Variants in ACOT11 observed in about 807,000 individuals in gnomAD.
ACOT11 encodes the protein acyl-CoA thioesterase 11, also known as acyl-coenzyme A thioesterase 11.
Under a neutral mutation model 77.5 loss-of-function variants are expected in ACOT11, and 69 were observed. That is an observed-to-expected ratio of 0.89 (90% CI 0.73 to 1.09). The LOEUF (loss-of-function observed/expected upper bound fraction) is 1.09, where lower values mean the gene tolerates loss of function less well. ACOT11 is among the 50% of genes least tolerant of loss of function. The pLI, the probability that ACOT11 is intolerant of heterozygous loss-of-function variation, is 0.00. For missense variants in ACOT11, 766 were observed against 813.7 expected (o/e 0.94, Z 0.71); for synonymous variants, 279 against 313.0 (o/e 0.89, Z 1.15).
chr1:54,567,600 T>G, intron 1 of ACOT11, among the ~76,000 whole-genome samples: 1 of 152,038 alleles, frequency 6.6e-6, no homozygotes, highest in East Asian at 1.9e-4. Context: ...ATTTTTATCC[T>G]GCCTACCACC....
At chr1:54,594,101 G>A in intron 5 of ACOT11, 62 bp downstream of exon 5, 1 of 1,485,654 alleles carries the variant, frequency 6.7e-7, no homozygotes, top group Non-Finnish European at 9.3e-7. Flanking sequence ...GCCATGGCGA[G>A]TCTGGCTCAG....
chr1:54,554,400 G>A (rs1371378898), intron 1 of ACOT11, among the ~76,000 whole-genome samples: 1 of 139,890 alleles, frequency 7.1e-6, no homozygotes, highest in East Asian at 2.2e-4. Context: ...CACCCAGGCT[G>A]GAATACAGTG....
rs1323768535 is a variant in ACOT11 at position 54,607,054 on chromosome 1, G to A, written c.1371-80G>A. The A allele has an allele frequency of 1.7e-5, 27 of 1,581,120 alleles. No individual in the cohort carries two copies. Among genetic ancestry groups the A allele is most frequent in the East Asian group, 2.3e-5 (1 of 44,280 alleles). ...ACAGAAGCTGCTCAGGCACTGCAGTGTGGCAGGGCCCGGGCAGACCCGCTG... is the reference window on the plus strand; with the variant it reads ...ACAGAAGCTGCTCAGGCACTGCAGTATGGCAGGGCCCGGGCAGACCCGCTG... On this transcript the variant is annotated intron_variant, in intron 13 of 15. Coordinates refer to ENST00000343744, the MANE Select transcript of ACOT11 (RefSeq NM_147161.4). This position sits in a 1 kb window ranked among gnomAD's most constrained non-coding sequence, Gnocchi z 4.5.
At chr1:54,557,202 G>T (rs568610007) in intron 1 of ACOT11, among the ~76,000 whole-genome samples, 18 of 151,914 alleles carry the variant, frequency 1.2e-4, no homozygotes, top group Non-Finnish European at 2.4e-4. Flanking sequence ...GACCAGCCTG[G>T]TCAACATGGT....
chr1:54,551,369 G>A (rs962453959), intron 1 of ACOT11, among the ~76,000 whole-genome samples: 2 of 152,138 alleles, frequency 1.3e-5, no homozygotes, highest in Admixed American at 6.5e-5. Context: ...GTGAGTGGGC[G>A]ACTGAATGAA....
In ACOT11 at chr1:54,601,302, C is replaced by G. The variant is rs556706898; in HGVS notation, c.918C>G (p.Arg306=). 4.3e-6 allele frequency: 7 copies of G among 1,612,988 alleles called. No homozygotes were observed. The Admixed American group carries it at 1.2e-4, about 27-fold the overall frequency. ...TGGGCGTGTGCGTGGAGGCCTATCG[C>G]CAGGAGGCTGAGACCCACCGGCGCC... ...MEVGVCVEAY[R]QEAETHRRHI... The change falls in exon 9 of 16, where the codon CGC becomes CGG. Residue 306 remains arginine, a synonymous_variant. Transcript: ENST00000343744.
intron 1 of ACOT11, among the ~76,000 whole-genome samples, chr1:54,560,740 G>C (rs1469517377): frequency 1.4e-5 from 2 of 140,276 alleles, no homozygotes; most frequent in East Asian, 2.0e-4. Flanking sequence ...TTTTTTTTTT[G>C]AGACAGAGTT....
In ACOT11 at chr1:54,609,224, GAA is replaced by G; in HGVS notation, c.*113_*114del. 1 of 1,590,444 alleles carries G rather than the reference GAA, an allele frequency of 6.3e-7. No individual in the cohort carries two copies. The highest frequency in any genetic ancestry group is 8.6e-7 in the Non-Finnish European group (1 of 1,166,924). Reference sequence around the variant, plus strand: ...TTTATTTCTTCCTGCCTCCCCGTGGGAAGCCTCCGCCCTGAGGTCCGCTGGCC... The same window carrying G: ...TTTATTTCTTCCTGCCTCCCCGTGGGGCCTCCGCCCTGAGGTCCGCTGGCC... On this transcript the variant is annotated 3_prime_UTR_variant, in exon 16 of 16. Coordinates refer to ENST00000343744, the MANE Select transcript of ACOT11 (RefSeq NM_147161.4).
In ACOT11 at chr1:54,593,093, G is replaced by A. The variant is rs752199394; in HGVS notation, c.372+487G>A. Among the ~76,000 whole-genome samples, 8 of 152,254 alleles carry A rather than the reference G, an allele frequency of 5.3e-5. No homozygotes were observed. The East Asian group carries it at 1.5e-3, about 29-fold the overall frequency. ...TGGAGGACTGCTGGTGATGCCCAGG[G>A]TTCTGTGAGCTGTGGGGGAGGGCTC... On this transcript the variant is annotated intron_variant, in intron 4 of 15. Transcript: ENST00000343744.
intron 9 of ACOT11, among the ~76,000 whole-genome samples, chr1:54,601,693 C>T (rs1643966547): frequency 6.6e-6 from 1 of 152,190 alleles, no homozygotes; most frequent in Admixed American, 6.5e-5. Context: ...TGGAAGAGTA[C>T]TGGCTTTGGA....
rs1644077126 is a variant in ACOT11 at position 54,609,145 on chromosome 1, A to G, written c.*33A>G. The G allele has an allele frequency of 6.2e-7, 1 of 1,612,982 alleles. No individual in the cohort carries two copies. Among genetic ancestry groups the G allele is most frequent in the South Asian group, 1.1e-5 (1 of 90,940 alleles). On this transcript the variant is annotated 3_prime_UTR_variant, in exon 16 of 16. Transcript: ENST00000343744. ...CAGTGGCCACATCATGCCCACTCCC[A>G]CTCCATCCTGTCCCCAAGGACTCAC...
At position 54,592,578 on chromosome 1, in the gene ACOT11, T is replaced by A. The variant is rs1654749639; in HGVS notation, c.344T>A (p.Val115Glu). The A allele has an allele frequency of 6.8e-6, 11 of 1,613,254 alleles. No individual in the cohort carries two copies. Among genetic ancestry groups the A allele is most frequent in the African/African-American group, 1.3e-5 (1 of 74,882 alleles). Reference sequence around the variant, plus strand: ...CAAGTGGTGAATATCAAGGCCAAGGTGAACCGGGCCTTCAACTCCAGCATG... The same window carrying A: ...CAAGTGGTGAATATCAAGGCCAAGGAGAACCGGGCCTTCAACTCCAGCATG... ...VGQVVNIKAK[V>E]NRAFNSSMEV... The change falls in exon 4 of 16, where the codon GTG (valine) becomes GAG (glutamate). Residue 115 changes from valine to glutamate, a missense_variant. Val to Glu is a moderately radical substitution (Grantham distance 121). Coordinates refer to ENST00000343744, the MANE Select transcript of ACOT11 (RefSeq NM_147161.4).
intron 15 of ACOT11, among the ~76,000 whole-genome samples, chr1:54,617,812 C>T (rs1270616914): frequency 6.9e-6 from 1 of 144,184 alleles, no homozygotes; most frequent in Non-Finnish European, 1.5e-5. Context: ...CAACCTCTGC[C>T]TGCTGGGTTC....
At chr1:54,588,759 G>T (rs766671953) in intron 3 of ACOT11, among the ~76,000 whole-genome samples, 4 of 152,228 alleles carry the variant, frequency 2.6e-5, no homozygotes, top group Middle Eastern at 3.4e-3. Flanking sequence ...AGGGTTAGGG[G>T]TACATGCATG....
chr1:54,624,168 A>C (rs2101029288), intron 15 of ACOT11, among the ~76,000 whole-genome samples: 1 of 152,332 alleles, frequency 6.6e-6, no homozygotes, highest in Admixed American at 6.5e-5. Context: ...TGAGGACCCC[A>C]GAATTTAAAC....
At chr1:54,616,657 G>A (rs180989673) in intron 15 of ACOT11, among the ~76,000 whole-genome samples, 17 of 152,288 alleles carry the variant, frequency 1.1e-4, no homozygotes, top group Non-Finnish European at 2.4e-4. Flanking sequence ...ACAGGCGTGA[G>A]CCACCGTGCC....
chr1:54,572,876 T>G, intron 1 of ACOT11: 10 of 966,420 alleles, frequency 1.0e-5, no homozygotes, highest in Non-Finnish European at 1.1e-5. Context: ...TTTCTGCACC[T>G]GAGAGAGGCC....
At chr1:54,623,143 C>T (rs1644247161) in intron 15 of ACOT11, 1 of 631,642 alleles carries the variant, frequency 1.6e-6, no homozygotes, top group Non-Finnish European at 2.8e-6. Context: ...TGCCATTGTA[C>T]TCCAGCCTGG....
chr1:54,604,990 G>T (rs1015656335), intron 12 of ACOT11, 86 bp from the exon 13 acceptor site: 3 of 1,437,188 alleles, frequency 2.1e-6, no homozygotes. Flanking sequence ...GTCAGCTGTA[G>T]CCCTGAGCTT....
Sources: gnomAD v4.1 joint callset for allele counts (sites outside exome capture counted in the v4.1 genomes callset) on GRCh38, gnomAD v4.1.1 for gene constraint, Gnocchi (gnomAD v3.1) non-coding constraint, MANE v1.5 for transcripts, NCBI Gene and HGNC (gene_info 2026-07-23, HGNC 2026-07-21) for gene names.